The following RNF185 variants were observed in gnomAD, a reference collection of about 807,000 sequenced individuals.
RNF185 encodes the protein ring finger protein 185, also known as E3 ubiquitin-protein ligase RNF185.
A neutral mutation model predicts 24.9 loss-of-function variants in RNF185; 13 were observed. The ratio of observed to expected loss-of-function variants is 0.52; its 90% CI spans 0.34 to 0.83. RNF185 has a LOEUF of 0.83. Among genes scored for constraint, RNF185 ranks in the 40% least tolerant of loss-of-function variants. The pLI is 0.01. For missense variants in RNF185, 184 were observed against 244.7 expected (o/e 0.75, Z 1.65); for synonymous variants, 79 against 90.3 (o/e 0.88, Z 0.71).
chr22:31,201,741 ATATCT>A, intron 6 of RNF185, 126 bp downstream of exon 6: 1 of 710,284 alleles, frequency 1.4e-6, no homozygotes, highest in South Asian at 1.8e-5. Flanking sequence ...CCTTTTCAAA[ATATCT>A]TAAGCTGTTT....
At chr22:31,182,765 C>A (rs1299202657) in intron 1 of RNF185, among the ~76,000 whole-genome samples, 1 of 151,972 alleles carries the variant, frequency 6.6e-6, no homozygotes, top group South Asian at 2.1e-4. Flanking sequence ...CCAATCCTGT[C>A]CATGCTATTT....
In RNF185 at chr22:31,206,824, C is replaced by G. The variant is rs1327963205; in HGVS notation, c.*2238C>G. ...CCACCTCATCCTTCTGCCAAGGCAGCTTTCCTTTCTTTTGTGTGTTTTCTG... is the reference window on the plus strand; with the variant it reads ...CCACCTCATCCTTCTGCCAAGGCAGGTTTCCTTTCTTTTGTGTGTTTTCTG... On this transcript the variant is annotated 3_prime_UTR_variant, in exon 7 of 7. Coordinates refer to ENST00000326132, the MANE Select transcript of RNF185 (RefSeq NM_152267.4). 2.6e-5 allele frequency: 4 copies of G among 152,332 alleles called. No individual in the cohort carries two copies. Among genetic ancestry groups the G allele is most frequent in the Middle Eastern group, 6.8e-3 (2 of 294 alleles). The allele number at this position is 152,332 out of a possible 1,614,324, so 9.4% of individuals were successfully genotyped here. A position where few individuals can be genotyped will look rare whatever the true frequency, so the allele number is the denominator to read the frequency against.
rs952789176 is a variant in RNF185 at position 31,160,185 on chromosome 22, T to A, written c.-167T>A. On this transcript the variant is annotated 5_prime_UTR_variant, in exon 1 of 7. The change abolishes the stop of an existing upstream ORF in the 5' untranslated region. Transcript: ENST00000326132. ...CCGAGAGGGGCGGCTCCGCGTCATG[T>A]GACTGGAGTCCGCGTAGGAGGGGTC... is the stretch of plus-strand genomic sequence containing the variant. The A allele has an allele frequency of 5.9e-5, 9 of 152,752 alleles. No homozygotes were observed. The highest frequency in any genetic ancestry group is 1.0e-4 in the Non-Finnish European group (7 of 68,176). 9.5% of individuals were successfully genotyped at this position (152,752 alleles called of 1,614,324 possible).
In RNF185 at chr22:31,184,335, C is replaced by A. The variant is rs1042305183; in HGVS notation, c.-48-2712C>A. On this transcript the variant is annotated intron_variant, in intron 1 of 6. Coordinates refer to ENST00000326132, the MANE Select transcript of RNF185 (RefSeq NM_152267.4). Reference sequence around the variant, plus strand: ...CTCAGACGGGGTGGCGGGGCAGAGGCGCTCCCCACATCCCAGAGGATGGGC... The same window carrying A: ...CTCAGACGGGGTGGCGGGGCAGAGGAGCTCCCCACATCCCAGAGGATGGGC... Among the ~76,000 whole-genome samples the A allele has an allele frequency of 1.9e-3, 295 of 151,448 alleles. 2 individuals are homozygous for A. The highest frequency in any genetic ancestry group is 2.9e-3 in the Non-Finnish European group (194 of 67,820).
chr22:31,188,566 C>A (rs2048122073), intron 2 of RNF185, among the ~76,000 whole-genome samples: 1 of 152,144 alleles, frequency 6.6e-6, no homozygotes, highest in Non-Finnish European at 1.5e-5. Context: ...GTGGCTCACA[C>A]CTGTAATCCA....
intron 5 of RNF185, 54 bp from the exon 6 acceptor site, chr22:31,201,444 C>A: frequency 7.6e-7 from 1 of 1,307,598 alleles, no homozygotes; most frequent in Non-Finnish European, 1.1e-6. Context: ...TTTTGACAGG[C>A]ACAGGAGAAA....
At chr22:31,178,087 T>C (rs955330863) in intron 1 of RNF185, among the ~76,000 whole-genome samples, 1 of 152,212 alleles carries the variant, frequency 6.6e-6, no homozygotes, top group East Asian at 1.9e-4. Flanking sequence ...ACAGGATCAT[T>C]AAGTATTGCA....
chr22:31,171,850 C>T (rs537288602), intron 1 of RNF185, among the ~76,000 whole-genome samples: 50 of 152,028 alleles, frequency 3.3e-4, no homozygotes, highest in African/African-American at 1.1e-3. Context: ...TGCCTGTAAT[C>T]CCAGCTACTC....
intron 1 of RNF185, among the ~76,000 whole-genome samples, chr22:31,170,191 T>TTTTG: frequency 1.3e-5 from 2 of 151,792 alleles, no homozygotes; most frequent in East Asian, 3.9e-4. Context: ...TGTTTTTTTT[T>TTTTG]TTTGTTTGTT....
chr22:31,180,334 G>T (rs1017148159), intron 1 of RNF185, among the ~76,000 whole-genome samples: 1 of 151,918 alleles, frequency 6.6e-6, no homozygotes, highest in Non-Finnish European at 1.5e-5. Context: ...CGTGGTGGTG[G>T]GCACCTATAA....
At chr22:31,172,748 CA>C (rs35573590) in intron 1 of RNF185, among the ~76,000 whole-genome samples, 1,445 of 97,682 alleles carry the variant, frequency 0.015, 16 homozygotes, top group African/African-American at 0.051. Flanking sequence ...GACCCCGTCT[CA>C]AAAAAAAAAA....
intron 1 of RNF185, among the ~76,000 whole-genome samples, chr22:31,162,679 A>C (rs1293951763): frequency 6.6e-6 from 1 of 150,706 alleles, no homozygotes; most frequent in South Asian, 2.1e-4. Flanking sequence ...GGGGATCTGC[A>C]TACTATATAT....
Position 31,183,889 on chromosome 22 carries a change from G to A in RNF185, c.-48-3158G>A, listed in dbSNP as rs1328589218. On this transcript the variant is annotated intron_variant, in intron 1 of 6. Transcript: ENST00000326132. ...TGTCATCATGGCCCGTTCTCAATGA[G>A]CTGTTGGGTACACCTCCCAGACGGG... 8.5e-5 allele frequency among the ~76,000 whole-genome samples: 13 copies of A among 152,246 alleles called. No individual in the cohort carries two copies. In the South Asian group the frequency reaches 1.7e-3, roughly 19 times the overall value.
chr22:31,168,902 C>T (rs1414264175), intron 1 of RNF185, among the ~76,000 whole-genome samples: 1 of 152,002 alleles, frequency 6.6e-6, no homozygotes, highest in Non-Finnish European at 1.5e-5. Flanking sequence ...CCCGCCCCAC[C>T]ACCACCCTTT....
At chr22:31,174,964 T>C (rs377323245) in intron 1 of RNF185, among the ~76,000 whole-genome samples, 2 of 151,592 alleles carry the variant, frequency 1.3e-5, no homozygotes, top group African/African-American at 2.4e-5. Flanking sequence ...TCCTAGCTAC[T>C]TGGGAGGCTG....
chr22:31,196,275 G>A (rs1361969293), intron 4 of RNF185, among the ~76,000 whole-genome samples: 3 of 152,090 alleles, frequency 2.0e-5, no homozygotes, highest in Admixed American at 6.5e-5. Context: ...GAAGTGGTCT[G>A]TCTTCTTCAC....
intron 2 of RNF185, among the ~76,000 whole-genome samples, chr22:31,188,816 C>T (rs982376444): frequency 6.6e-6 from 1 of 151,210 alleles, no homozygotes; most frequent in Non-Finnish European, 1.5e-5. Flanking sequence ...GACCCTGTCT[C>T]TTAAAAATAT....
intron 1 of RNF185, among the ~76,000 whole-genome samples, chr22:31,168,696 G>A (rs1044631251): frequency 6.6e-6 from 1 of 152,108 alleles, no homozygotes; most frequent in African/African-American, 2.4e-5. Context: ...GAGCACAGGG[G>A]TTCTATTTCT....
intron 1 of RNF185, among the ~76,000 whole-genome samples, chr22:31,176,870 G>A (rs55764609): frequency 2.0e-5 from 3 of 152,132 alleles, no homozygotes; most frequent in African/African-American, 4.8e-5. Context: ...ATTATTTTTA[G>A]TGGCTGTGTA....
Sources: gnomAD v4.1 joint callset for allele counts (sites outside exome capture counted in the v4.1 genomes callset) on GRCh38, gnomAD v4.1.1 for gene constraint, MANE v1.5 for transcripts, NCBI Gene and HGNC (gene_info 2026-07-23, HGNC 2026-07-21) for gene names.